Variants in PLPP4 observed in about 807,000 individuals in gnomAD.
PLPP4 encodes phospholipid phosphatase 4, also known as diacylglycerol pyrophosphate like 2.
PLPP4 carries 20 observed loss-of-function variants against 32.2 expected under a neutral mutation model. The ratio of observed to expected loss-of-function variants is 0.62; its 90% CI spans 0.44 to 0.90. The LOEUF is 0.90. Among genes scored for constraint, PLPP4 ranks in the 40% least tolerant of loss-of-function variants. The probability of loss-of-function intolerance (pLI) is 0.00; values close to 1 mark genes in which losing one functional copy is unlikely to be tolerated. For synonymous variants in PLPP4, 127 were observed against 133.0 expected, an observed-to-expected ratio of 0.95 and a Z score of 0.31; for missense variants, 257 against 353.1, an observed-to-expected ratio of 0.73 and a Z score of 2.18.
chr10:120,577,775 C>T (rs1849288741), intron 6 of PLPP4, among the ~76,000 whole-genome samples: 1 of 152,172 alleles, frequency 6.6e-6, no homozygotes. Context: ...ATGTGTTCAA[C>T]TTATACCCTT....
At chr10:120,464,297 A>G (rs1848214898) in intron 1 of PLPP4, among the ~76,000 whole-genome samples, 1 of 152,250 alleles carries the variant, frequency 6.6e-6, no homozygotes. Flanking sequence ...TATTGTGAGT[A>G]TTAAATGGGA....
chr10:120,548,667 A>G (rs528640997), intron 5 of PLPP4, among the ~76,000 whole-genome samples: 4 of 152,098 alleles, frequency 2.6e-5, no homozygotes, highest in Non-Finnish European at 5.9e-5. Flanking sequence ...GCTTTCCACA[A>G]TGGCTGAACT....
At chr10:120,578,071 A>G (rs1221494025) in intron 6 of PLPP4, among the ~76,000 whole-genome samples, 7 of 152,236 alleles carry the variant, frequency 4.6e-5, no homozygotes, top group Non-Finnish European at 1.0e-4. Context: ...ACAAGGAGTT[A>G]TGCAGCCCCA....
chr10:120,505,954 A>G lies in PLPP4; in HGVS notation c.165+2028A>G, dbSNP rs530178647. On this transcript the variant is annotated intron_variant, in intron 2 of 6. Transcript: ENST00000398250. ...ACACAATTTGGAGATGAATGTTCAT[A>G]TGGGATGTTGTGAGAAATCTGTGGC... Among the ~76,000 whole-genome samples, 3 of 152,350 alleles carry G rather than the reference A, an allele frequency of 2.0e-5. No homozygotes were observed. In the South Asian group the frequency reaches 6.2e-4, roughly 32 times the overall value.
chr10:120,585,309 G>A (rs1010819636), intron 6 of PLPP4, among the ~76,000 whole-genome samples: 8 of 152,122 alleles, frequency 5.3e-5, no homozygotes, highest in Non-Finnish European at 7.4e-5. Flanking sequence ...CAGAATTCAC[G>A]GTACATATTG....
At chr10:120,514,192 T>G (rs533014623) in intron 3 of PLPP4, among the ~76,000 whole-genome samples, 191 bp downstream of exon 3, 1 of 152,304 alleles carries the variant, frequency 6.6e-6, no homozygotes, top group African/African-American at 2.4e-5. Context: ...TGAAGGATGT[T>G]CAGACACCGC....
chr10:120,552,780 A>G lies in PLPP4; in HGVS notation c.446-22351A>G, dbSNP rs976209779. Among the ~76,000 whole-genome samples the G allele has an allele frequency of 2.6e-5, 4 of 152,302 alleles. No individual in the cohort carries two copies. In the East Asian group the frequency reaches 7.7e-4, roughly 29 times the overall value. ...CACTGAGCCTCATTTCTTGCAAGCT[A>G]TAGACTTGTATCAGTGATTAGAGAC... On this transcript the variant is annotated intron_variant, in intron 5 of 6. Coordinates refer to ENST00000398250, the MANE Select transcript of PLPP4 (RefSeq NM_001030059.3).
Position 120,478,936 on chromosome 10 carries a change from CA to C in PLPP4, c.56+21581del, listed in dbSNP as rs1472663276. 3.3e-5 allele frequency among the ~76,000 whole-genome samples: 5 copies of C among 152,164 alleles called. No individual in the cohort carries two copies. In the East Asian group the frequency reaches 9.6e-4, roughly 29 times the overall value. On this transcript the variant is annotated intron_variant, in intron 1 of 6. Coordinates refer to ENST00000398250, the MANE Select transcript of PLPP4 (RefSeq NM_001030059.3). ...ATTCCTGGATAAGGAAATTCTGAGTCAAAAAACTGGCTGGGCGCAGTGGCTC... is the reference window on the plus strand; with the variant it reads ...ATTCCTGGATAAGGAAATTCTGAGTCAAAAACTGGCTGGGCGCAGTGGCTC...
chr10:120,464,645 T>C (rs1283973112), intron 1 of PLPP4, among the ~76,000 whole-genome samples: 2 of 152,196 alleles, frequency 1.3e-5, no homozygotes, highest in Non-Finnish European at 2.9e-5. Context: ...GCAACAGTGG[T>C]TCCAGGACAT....
At chr10:120,486,646 A>G (rs1844470459) in intron 1 of PLPP4, among the ~76,000 whole-genome samples, 1 of 152,250 alleles carries the variant, frequency 6.6e-6, no homozygotes, top group South Asian at 2.1e-4. Context: ...ATGTGGTTTC[A>G]GGTGTCAGAG....
At chr10:120,474,710 A>G (rs1843817928) in intron 1 of PLPP4, among the ~76,000 whole-genome samples, 1 of 152,194 alleles carries the variant, frequency 6.6e-6, no homozygotes, top group East Asian at 1.9e-4. Flanking sequence ...TTAAAAGCAA[A>G]CTGGGGTTGT....
intron 1 of PLPP4, among the ~76,000 whole-genome samples, chr10:120,475,242 T>C (rs1222979729): frequency 6.6e-6 from 1 of 151,976 alleles, no homozygotes; most frequent in African/African-American, 2.4e-5. Flanking sequence ...CTTTTTTTTT[T>C]TTTTAAGAAG....
In PLPP4 at chr10:120,491,222, C is replaced by T. The variant is rs556719532; in HGVS notation, c.57-12596C>T. Among the ~76,000 whole-genome samples the T allele has an allele frequency of 6.6e-5, 10 of 152,258 alleles. No homozygotes were observed. In the South Asian group the frequency reaches 1.9e-3, roughly 28 times the overall value. On this transcript the variant is annotated intron_variant, in intron 1 of 6. Coordinates refer to ENST00000398250, the MANE Select transcript of PLPP4 (RefSeq NM_001030059.3). ...AGTAGGAGGTGAATTCTGCAGATTT[C>T]CCTGGGTCACAAGCTTACTGGCCTC...
chr10:120,551,914 T>G (rs1847918233), intron 5 of PLPP4, among the ~76,000 whole-genome samples: 1 of 152,186 alleles, frequency 6.6e-6, no homozygotes, highest in Non-Finnish European at 1.5e-5. Flanking sequence ...CATCAACCAT[T>G]CTGTTTTTCA....
rs118114312 is a variant in PLPP4 at position 120,489,922 on chromosome 10, G to A, written c.57-13896G>A. On this transcript the variant is annotated intron_variant, in intron 1 of 6. Transcript: ENST00000398250. ...CATTGATTCAACAAATATTTATTGA[G>A]CACCTACTGCATGCCAGGCACTATT... 2.9e-3 allele frequency among the ~76,000 whole-genome samples: 447 copies of A among 152,228 alleles called. 1 individual carries two copies. Among genetic ancestry groups the A allele is most frequent in the Non-Finnish European group, 5.3e-3 (360 of 68,016 alleles).
rs745929593 is a variant in PLPP4 at position 120,589,554 on chromosome 10, ACAT to A, written c.*56_*58del. Reference sequence around the variant, plus strand: ...AGCCCTGGGCACATCTGCCACCCTGACATCATAACACAATAGAAATGGTTTTCT... The same window carrying A: ...AGCCCTGGGCACATCTGCCACCCTGACATAACACAATAGAAATGGTTTTCT... On this transcript the variant is annotated 3_prime_UTR_variant, in exon 7 of 7. Coordinates refer to ENST00000398250, the MANE Select transcript of PLPP4 (RefSeq NM_001030059.3). 22 of 1,352,134 alleles carry A rather than the reference ACAT, an allele frequency of 1.6e-5. 1 individual carries two copies. The Admixed American group carries it at 3.9e-4, about 24-fold the overall frequency. The allele number at this position is 1,352,134 out of a possible 1,614,324, so 83.8% of individuals were successfully genotyped here.
chr10:120,563,682 C>T (rs563951655), intron 5 of PLPP4, among the ~76,000 whole-genome samples: 1 of 146,372 alleles, frequency 6.8e-6, no homozygotes, highest in East Asian at 2.0e-4. Flanking sequence ...CGCCTGTAGT[C>T]CCAGCTACTC....
chr10:120,490,877 C>T (rs1844688939), intron 1 of PLPP4, among the ~76,000 whole-genome samples: 1 of 152,212 alleles, frequency 6.6e-6, no homozygotes. Flanking sequence ...AACACGCTCT[C>T]TGTATATTGT....
intron 1 of PLPP4, among the ~76,000 whole-genome samples, chr10:120,465,056 G>A (rs778299858): frequency 6.6e-6 from 1 of 152,188 alleles, no homozygotes; most frequent in Non-Finnish European, 1.5e-5. Flanking sequence ...GTGGATAAAG[G>A]TATCTCAATT....
Sources: gnomAD v4.1 joint callset for allele counts (sites outside exome capture counted in the v4.1 genomes callset) on GRCh38, gnomAD v4.1.1 for gene constraint, MANE v1.5 for transcripts, NCBI Gene and HGNC (gene_info 2026-07-23, HGNC 2026-07-21) for gene names.